The following SORCS3 variants were observed in gnomAD, a reference collection of about 807,000 sequenced individuals.
The protein encoded by SORCS3 is VPS10 domain-containing receptor SorCS3.
SORCS3 carries 57 observed loss-of-function variants against 146.3 expected under a neutral mutation model. The ratio of observed to expected loss-of-function variants is 0.39; its 90% confidence interval spans 0.31 to 0.49. The LOEUF is 0.49. Among genes scored for constraint, SORCS3 ranks in the 20% least tolerant of loss-of-function variants. The pLI is 0.92. For missense variants in SORCS3, 1,341 were observed against 1,575.5 expected (o/e 0.85, Z 2.52); for synonymous variants, 653 against 618.5 (o/e 1.06, Z -0.83).
intron 4 of SORCS3, among the ~76,000 whole-genome samples, chr10:105,026,599 G>T (rs186936678): frequency 6.6e-6 from 1 of 152,262 alleles, no homozygotes; most frequent in East Asian, 1.9e-4. Context: ...ACTGTGGACT[G>T]GATAAAGAAA....
rs185457886 is a variant in SORCS3, at chr10:105,089,831, C to A, written c.1085C>A (p.Thr362Lys). The A allele has an allele frequency of 6.2e-7, 1 of 1,613,690 alleles. No individual in the cohort carries two copies. The highest frequency in any genetic ancestry group is 1.3e-5 in the African/African-American group (1 of 74,884). ...ADLVHMEVRT[T>K]DGYAHYLTCR... Reference sequence around the variant, plus strand: ...CTGGTGCACATGGAGGTGCGGACCACGGATGGATGTGAGTTCTGCTACAGC... The same window carrying A: ...CTGGTGCACATGGAGGTGCGGACCAAGGATGGATGTGAGTTCTGCTACAGC... The change falls in exon 6 of 27, where the codon ACG (threonine) becomes AAG (lysine). Residue 362 changes from threonine (T) to lysine (K), a missense_variant. By Grantham distance (78) the Thr-to-Lys change is moderately conservative (BLOSUM62 -1). Coordinates refer to ENST00000369701, the MANE Select transcript of SORCS3 (RefSeq NM_014978.3).
intron 1 of SORCS3, among the ~76,000 whole-genome samples, chr10:104,773,085 C>G (rs905321553): frequency 4.6e-5 from 7 of 152,134 alleles, no homozygotes; most frequent in Admixed American, 4.6e-4. Context: ...GAAGAAGCAG[C>G]ATTTAACATG....
At chr10:104,778,216 A>G (rs1444187199) in intron 1 of SORCS3, among the ~76,000 whole-genome samples, 1 of 152,136 alleles carries the variant, frequency 6.6e-6, no homozygotes, top group East Asian at 1.9e-4. Flanking sequence ...TGTCATATGT[A>G]CCCTCAAAGT....
At chr10:105,009,465 G>C in intron 4 of SORCS3, among the ~76,000 whole-genome samples, 1 of 132,178 alleles carries the variant, frequency 7.6e-6, no homozygotes, top group Admixed American at 9.2e-5. Flanking sequence ...TTGCTGCAGA[G>C]AATAAAAGAA....
chr10:105,243,053 TTATATATTTATATATATTTATATATATA>T lies in SORCS3; in HGVS notation c.2869-2485_2869-2458del, dbSNP rs1470188355. On this transcript the variant is annotated intron_variant, in intron 20 of 26. Coordinates refer to ENST00000369701, the MANE Select transcript of SORCS3 (RefSeq NM_014978.3). ...TATATTTACATATATTTATATATAT[TTATATATTTATATATATTTATATATATA>T]TATTTAGCCATTCTGTTGGGTGTTT... Among the ~76,000 whole-genome samples, 82 of 136,764 alleles carry T rather than the reference TTATATATTTATATATATTTATATATATA, an allele frequency of 6.0e-4. 1 individual carries two copies. Among genetic ancestry groups the T allele is most frequent in the African/African-American group, 2.1e-3 (79 of 36,782 alleles). 89.7% of individuals were successfully genotyped at this position (136,764 alleles called of 152,430 possible). A position where few individuals can be genotyped will look rare whatever the true frequency, so the allele number is the denominator to read the frequency against.
intron 7 of SORCS3, 130 bp from the exon 8 acceptor site, chr10:105,139,267 G>A: frequency 1.4e-6 from 1 of 718,074 alleles, no homozygotes; most frequent in East Asian, 2.6e-5. Flanking sequence ...GAGACCCAAA[G>A]CCAGCAAGGA....
chr10:104,738,057 C>G (rs9420928), intron 1 of SORCS3, among the ~76,000 whole-genome samples: 321 of 152,124 alleles, frequency 2.1e-3, no homozygotes, highest in African/African-American at 7.0e-3. Context: ...GCTTGTTTTT[C>G]TCAAGTTTGT....
chr10:105,248,832 A>G (rs1465399286), intron 22 of SORCS3, among the ~76,000 whole-genome samples: 1 of 152,144 alleles, frequency 6.6e-6, no homozygotes, highest in Admixed American at 6.5e-5. Context: ...GTTATGTCAT[A>G]TTGTGTAGGG....
chr10:105,062,615 G>T (rs1191211714), intron 5 of SORCS3, among the ~76,000 whole-genome samples: 1 of 152,190 alleles, frequency 6.6e-6, no homozygotes, highest in Non-Finnish European at 1.5e-5. Context: ...GTGCAGTGAA[G>T]GACAGAAGGG....
At chr10:104,822,067 T>G (rs2017879138) in intron 1 of SORCS3, 2 of 517,774 alleles carry the variant, frequency 3.9e-6, no homozygotes, top group Admixed American at 3.9e-5. Context: ...TTATTTTTTA[T>G]TCCTTCTCTT....
At chr10:104,756,830 A>T (rs1436340784) in intron 1 of SORCS3, among the ~76,000 whole-genome samples, 1 of 152,148 alleles carries the variant, frequency 6.6e-6, no homozygotes, top group Non-Finnish European at 1.5e-5. Context: ...CTGAAAGTTC[A>T]TGCTCTGTGC....
intron 3 of SORCS3, among the ~76,000 whole-genome samples, chr10:104,959,255 A>G (rs182009695): frequency 6.6e-6 from 1 of 152,164 alleles, no homozygotes; most frequent in Non-Finnish European, 1.5e-5. Flanking sequence ...CCCTACACAT[A>G]CCAAATTCAT....
intron 6 of SORCS3, among the ~76,000 whole-genome samples, chr10:105,099,171 A>C (rs1424041538): frequency 6.6e-6 from 1 of 152,186 alleles, no homozygotes; most frequent in Admixed American, 6.5e-5. Flanking sequence ...TGCTGATGGA[A>C]GCTAAATAAC....
In SORCS3 at chr10:105,023,748, C is replaced by T. The variant is rs917055380; in HGVS notation, c.955-19307C>T. Among the ~76,000 whole-genome samples, 8 of 151,586 alleles carry T rather than the reference C, an allele frequency of 5.3e-5. No homozygotes were observed. The East Asian group carries it at 1.2e-3, about 22-fold the overall frequency. On this transcript the variant is annotated intron_variant, in intron 4 of 26. Coordinates refer to ENST00000369701, the MANE Select transcript of SORCS3 (RefSeq NM_014978.3). ...GGGTCCAATAGAAACTTGTGTTCCT[C>T]GCCTGGGGACAATGGTGGGGGGTGT...
At chr10:104,833,041 T>C (rs1205097061) in intron 1 of SORCS3, among the ~76,000 whole-genome samples, 1 of 152,192 alleles carries the variant, frequency 6.6e-6, no homozygotes, top group Non-Finnish European at 1.5e-5. Flanking sequence ...CACTCAAGCA[T>C]TGTATCAGTC....
intron 1 of SORCS3, among the ~76,000 whole-genome samples, chr10:104,683,965 TA>T: frequency 6.6e-6 from 1 of 152,336 alleles, no homozygotes; most frequent in East Asian, 1.9e-4. Flanking sequence ...AGCTCTCTAA[TA>T]GGGGTCTATA....
intron 1 of SORCS3, among the ~76,000 whole-genome samples, chr10:104,723,548 C>G (rs1367623830): frequency 6.6e-6 from 1 of 152,118 alleles, no homozygotes; most frequent in African/African-American, 2.4e-5. Context: ...AACTTTCTGT[C>G]TCGTTGATCT....
intron 1 of SORCS3, among the ~76,000 whole-genome samples, chr10:104,806,939 C>A (rs1229624870): frequency 6.6e-6 from 1 of 152,072 alleles, no homozygotes; most frequent in African/African-American, 2.4e-5. Flanking sequence ...CTGTTGAGAT[C>A]TCCCTTTCCA....
At chr10:105,129,272 A>T (rs1328809038) in intron 7 of SORCS3, among the ~76,000 whole-genome samples, 1 of 151,680 alleles carries the variant, frequency 6.6e-6, no homozygotes, top group Non-Finnish European at 1.5e-5. Context: ...GATCTCTTGC[A>T]ATATCTTCTT....
Sources: gnomAD v4.1 joint callset for allele counts (sites outside exome capture counted in the v4.1 genomes callset) on GRCh38, gnomAD v4.1.1 for gene constraint, MANE v1.5 for transcripts, NCBI Gene and HGNC (gene_info 2026-07-23, HGNC 2026-07-21) for gene names.